ATP8B4: variants seen among roughly 807,000 people sequenced by gnomAD.
ATP8B4 encodes the protein ATPase phospholipid transporting 8B4 (putative).
In ATP8B4, 133 loss-of-function variants were observed where a neutral mutation model predicts 145.6. That is an observed-to-expected ratio of 0.91 (90% CI 0.79 to 1.05). The LOEUF (loss-of-function observed/expected upper bound fraction) is 1.05, where lower values mean the gene tolerates loss of function less well. ATP8B4 is among the 50% of genes least tolerant of loss of function. The pLI is 0.00. For synonymous variants in ATP8B4, 507 were observed against 492.9 expected, an observed-to-expected ratio of 1.03 and a Z score of -0.38; for missense variants, 1,458 against 1,425.2, an observed-to-expected ratio of 1.02 and a Z score of -0.37.
At chr15:50,132,036 T>A (rs1410597560) in intron 1 of ATP8B4, among the ~76,000 whole-genome samples, 1 of 72,142 alleles carries the variant, frequency 1.4e-5, no homozygotes, top group Non-Finnish European at 2.7e-5. Flanking sequence ...ATTGTTTCTA[T>A]GCCTGATTAT....
intron 22 of ATP8B4, 112 bp from the exon 23 acceptor site, chr15:49,897,627 T>G: frequency 1.1e-6 from 1 of 870,494 alleles, no homozygotes; most frequent in Admixed American, 3.3e-5. Context: ...CAATTATAAT[T>G]TTTCACATAT....
chr15:49,951,825 TG>T (rs2043130299), intron 14 of ATP8B4, among the ~76,000 whole-genome samples: 1 of 152,226 alleles, frequency 6.6e-6, no homozygotes, highest in Admixed American at 6.5e-5. Context: ...TTTCAGTGGC[TG>T]GTACGGGTTT....
chr15:50,057,519 T>C (rs763716684), intron 3 of ATP8B4, among the ~76,000 whole-genome samples: 3 of 152,218 alleles, frequency 2.0e-5, no homozygotes, highest in Non-Finnish European at 4.4e-5. Context: ...AGAACCTCTC[T>C]AAACTAAAGC....
At chr15:50,087,066 AAAAT>A (rs1426023493) in intron 2 of ATP8B4, among the ~76,000 whole-genome samples, 1 of 116,508 alleles carries the variant, frequency 8.6e-6, no homozygotes, top group African/African-American at 3.6e-5. Context: ...TATATATAAT[AAAAT>A]AATATAGAGA....
At chr15:49,886,453 G>A (rs1333406035) in intron 23 of ATP8B4, among the ~76,000 whole-genome samples, 1 of 152,062 alleles carries the variant, frequency 6.6e-6, no homozygotes, top group Admixed American at 6.6e-5. Flanking sequence ...CAAGAGATGT[G>A]TTTAATGGGT....
In ATP8B4 at chr15:49,979,762, T is replaced by C. The variant is rs114086412; in HGVS notation, c.889A>G (p.Ile297Val). ...LGIILAIGNS[I>V]WESQTGDQFR... Reference sequence around the variant, plus strand: ...TGGTCCCCAGTTTGACTCTCCCAGATTGAATTTCCTATTGCAAGAATAATT... The same window carrying C: ...TGGTCCCCAGTTTGACTCTCCCAGACTGAATTTCCTATTGCAAGAATAATT... Residue 297 changes from isoleucine to valine, a missense_variant, in exon 12 of 28, where the codon ATC becomes GTC. Physicochemically the swap from Ile to Val is conservative, Grantham distance 29 (BLOSUM62 3). Transcript: ENST00000284509. The C allele has an allele frequency of 1.1e-4, 175 of 1,609,334 alleles. No individual in the cohort carries two copies. The African/African-American group carries it at 1.8e-3, about 17-fold the overall frequency.
chr15:50,090,928 A>G (rs1447357207), intron 2 of ATP8B4, among the ~76,000 whole-genome samples: 4 of 152,174 alleles, frequency 2.6e-5, no homozygotes, highest in Admixed American at 6.5e-5. Context: ...CCATGTAAAA[A>G]GTAAATTTAC....
chr15:49,883,808 AG>A lies in ATP8B4; in HGVS notation c.2698-4350del, dbSNP rs746340892. ...TAAATTATATTAAAAAAAAACCCAA[AG>A]GGGAAAAAAAGGTTTTCCAAGTATA... On this transcript the variant is annotated intron_variant, in intron 23 of 27. Coordinates refer to ENST00000284509, the MANE Select transcript of ATP8B4 (RefSeq NM_024837.4). Among the ~76,000 whole-genome samples the A allele has an allele frequency of 2.3e-4, 35 of 152,254 alleles. 1 individual carries two copies. The highest frequency in any genetic ancestry group is 1.2e-4 in the Non-Finnish European group (8 of 68,020).
At chr15:50,164,428 G>A (rs1017993458) in intron 1 of ATP8B4, among the ~76,000 whole-genome samples, 1 of 152,150 alleles carries the variant, frequency 6.6e-6, no homozygotes, top group South Asian at 2.1e-4. Flanking sequence ...AGTGTCATCT[G>A]GGAGCTAGGG....
rs149354307 is a variant in ATP8B4 at position 50,152,772 on chromosome 15, G to C, written c.-43+29489C>G. Among the ~76,000 whole-genome samples, 8 of 152,292 alleles carry C rather than the reference G, an allele frequency of 5.3e-5. No homozygotes were observed. In the East Asian group the frequency reaches 1.5e-3, roughly 29 times the overall value. ...CAAACGCAACACAGAAAGTTACATGGATTTTTAAAACCTTAACCCTTTCAA... is the reference window on the plus strand; with the variant it reads ...CAAACGCAACACAGAAAGTTACATGCATTTTTAAAACCTTAACCCTTTCAA... On this transcript the variant is annotated intron_variant, in intron 1 of 3. Transcript: ENST00000558829.
intron 2 of ATP8B4, among the ~76,000 whole-genome samples, chr15:50,100,926 T>TA (rs894473166): frequency 4.6e-5 from 7 of 152,196 alleles, no homozygotes; most frequent in African/African-American, 1.2e-4. Flanking sequence ...AACTAATTAA[T>TA]AAAAAAACAA....
intron 23 of ATP8B4, chr15:49,896,914 C>T (rs1394521741): frequency 5.3e-6 from 1 of 187,448 alleles, no homozygotes; most frequent in Admixed American, 5.5e-5. Context: ...GATAAGAAAC[C>T]ATCTTCCCAG....
intron 3 of ATP8B4, among the ~76,000 whole-genome samples, chr15:50,063,313 T>G (rs543562744): frequency 7.4e-4 from 112 of 152,112 alleles, no homozygotes; most frequent in African/African-American, 2.6e-3. Context: ...TATTATTAAC[T>G]TAGATCAGTG....
At chr15:50,177,028 T>TGCTAGACAGTCAATAGGATGACAG (rs1188386430) in intron 1 of ATP8B4, among the ~76,000 whole-genome samples, 4 of 152,186 alleles carry the variant, frequency 2.6e-5, no homozygotes, top group African/African-American at 9.7e-5. Flanking sequence ...AATGGTACCA[T>TGCTAGACAGTCAATAGGATGACAG]GCTAGACAGT....
intron 1 of ATP8B4, among the ~76,000 whole-genome samples, chr15:50,135,125 A>T (rs538237598): frequency 1.6e-4 from 24 of 152,356 alleles, no homozygotes; most frequent in Middle Eastern, 3.4e-3. Context: ...AAATGGTTTT[A>T]TGTCCCCAGT....
chr15:50,056,265 A>C (rs2052587934), intron 3 of ATP8B4, among the ~76,000 whole-genome samples: 1 of 152,202 alleles, frequency 6.6e-6, no homozygotes, highest in Non-Finnish European at 1.5e-5. Context: ...TGCTTCAGGC[A>C]ATAATGTTAT....
intron 1 of ATP8B4, among the ~76,000 whole-genome samples, chr15:50,142,518 T>C (rs1179869728): frequency 6.6e-6 from 1 of 152,072 alleles, no homozygotes; most frequent in Non-Finnish European, 1.5e-5. Flanking sequence ...TGTTTTGTAT[T>C]TTAATAGAGG....
Position 50,146,629 on chromosome 15 carries a change from C to G in ATP8B4, c.-43+35632G>C, listed in dbSNP as rs527983424. ...CAAATAGATAAACATATTGATCTTG[C>G]TGGTGTTGCAGGACTTTTCCTTAGT... is the stretch of plus-strand genomic sequence containing the variant. On this transcript the variant is annotated intron_variant, in intron 1 of 3. Transcript: ENST00000558829. 5.4e-4 allele frequency among the ~76,000 whole-genome samples: 82 copies of G among 152,260 alleles called. No homozygotes were observed. The South Asian group carries it at 0.01, about 19-fold the overall frequency.
chr15:50,141,431 C>T (rs923850691), intron 1 of ATP8B4, among the ~76,000 whole-genome samples: 5 of 152,092 alleles, frequency 3.3e-5, no homozygotes, highest in Non-Finnish European at 1.5e-5. Flanking sequence ...CAGTAATGGG[C>T]TGAGAGGACC....
Sources: gnomAD v4.1 joint callset for allele counts (sites outside exome capture counted in the v4.1 genomes callset) on GRCh38, gnomAD v4.1.1 for gene constraint, MANE v1.5 for transcripts, NCBI Gene and HGNC (gene_info 2026-07-23, HGNC 2026-07-21) for gene names.